Variants in XKR6 observed in about 807,000 individuals in gnomAD.
XKR6 encodes XK-related protein 6.
In XKR6, 22 loss-of-function variants were observed where a neutral mutation model predicts 56.7. The ratio of observed to expected loss-of-function variants is 0.39; its 90% CI spans 0.28 to 0.55. The LOEUF is 0.55. XKR6 is among the 20% of genes least tolerant of loss of function. The probability of loss-of-function intolerance (pLI) is 0.66; values close to 1 mark genes in which losing one functional copy is unlikely to be tolerated. For missense variants in XKR6, 852 were observed against 889.0 expected, an observed-to-expected ratio of 0.96 and a Z score of 0.53; for synonymous variants, 524 against 387.8, an observed-to-expected ratio of 1.35 and a Z score of -4.13.
chr8:10,962,473 C>T (rs1431086209), intron 1 of XKR6, among the ~76,000 whole-genome samples: 2 of 152,136 alleles, frequency 1.3e-5, no homozygotes, highest in African/African-American at 2.4e-5. Flanking sequence ...GGAGGATTTC[C>T]GCCAGAAGGC....
intron 1 of XKR6, among the ~76,000 whole-genome samples, chr8:10,932,573 C>A (rs1280741980): frequency 8.9e-6 from 1 of 111,878 alleles, no homozygotes; most frequent in African/African-American, 3.4e-5. Context: ...TATCCCTCCC[C>A]CCTCCCCCCA....
At chr8:11,116,478 C>G (rs1012513595) in intron 1 of XKR6, among the ~76,000 whole-genome samples, 13 of 152,168 alleles carry the variant, frequency 8.5e-5, no homozygotes, top group African/African-American at 3.1e-4. Flanking sequence ...TCAAGCGATT[C>G]TCCTGCCTTA....
chr8:11,162,284 C>G (rs533532622), intron 1 of XKR6, among the ~76,000 whole-genome samples: 2 of 152,252 alleles, frequency 1.3e-5, no homozygotes, highest in African/African-American at 4.8e-5. Context: ...ATCTGCTCAC[C>G]ACAGAGTAAA....
intron 1 of XKR6, among the ~76,000 whole-genome samples, chr8:11,174,265 T>G (rs1258009106): frequency 6.6e-6 from 1 of 152,184 alleles, no homozygotes; most frequent in Non-Finnish European, 1.5e-5. Context: ...TCTCAAGCAG[T>G]AAGTCACTCA....
At chr8:10,972,694 A>C (rs1802442865) in intron 1 of XKR6, among the ~76,000 whole-genome samples, 1 of 152,172 alleles carries the variant, frequency 6.6e-6, no homozygotes, top group African/African-American at 2.4e-5. Context: ...CAGGCTTGCC[A>C]GGGGCTGGGG....
intron 1 of XKR6, among the ~76,000 whole-genome samples, chr8:11,186,662 G>C (rs1803291674): frequency 6.6e-6 from 1 of 152,190 alleles, no homozygotes; most frequent in Admixed American, 6.5e-5. Flanking sequence ...TTACAGGCAT[G>C]AGACACCACG....
At chr8:10,969,085 G>A (rs576785520) in intron 1 of XKR6, among the ~76,000 whole-genome samples, 3 of 152,202 alleles carry the variant, frequency 2.0e-5, no homozygotes, top group African/African-American at 7.2e-5. Context: ...TCACAGTCTT[G>A]TGTGACAAAA....
At chr8:10,919,881 G>A (rs1057492931) in intron 2 of XKR6, among the ~76,000 whole-genome samples, 2 of 152,120 alleles carry the variant, frequency 1.3e-5, no homozygotes, top group African/African-American at 4.8e-5. Flanking sequence ...AAGACATCAG[G>A]CTTAAGGAAG....
chr8:11,180,697 G>A (rs1220388500), intron 1 of XKR6, among the ~76,000 whole-genome samples: 2 of 152,054 alleles, frequency 1.3e-5, no homozygotes, highest in African/African-American at 2.4e-5. Context: ...TTGGGCCCAG[G>A]AGTTCAAGCC....
intron 1 of XKR6, among the ~76,000 whole-genome samples, chr8:11,186,332 T>A (rs1157580653): frequency 1.3e-5 from 2 of 152,160 alleles, no homozygotes; most frequent in Non-Finnish European, 2.9e-5. Context: ...CACGGCTAGT[T>A]CTTCACAATG....
intron 1 of XKR6, among the ~76,000 whole-genome samples, chr8:10,986,776 T>C (rs1180378692): frequency 6.6e-6 from 1 of 152,062 alleles, no homozygotes; most frequent in African/African-American, 2.4e-5. Context: ...TAGGTTTTTA[T>C]TGTTGTTGTT....
chr8:11,097,633 C>T (rs897712226), intron 1 of XKR6, among the ~76,000 whole-genome samples: 2 of 151,714 alleles, frequency 1.3e-5, no homozygotes, highest in Non-Finnish European at 2.9e-5. Flanking sequence ...CATGGTGAAA[C>T]CCCATCTCTA....
At chr8:10,940,748 C>T (rs1472487639) in intron 1 of XKR6, among the ~76,000 whole-genome samples, 1 of 152,134 alleles carries the variant, frequency 6.6e-6, no homozygotes. Flanking sequence ...CTGTACGCGA[C>T]AACCAGCTGT....
rs1563189396 is a variant in XKR6 at position 11,167,889 on chromosome 8, T to TCA, written c.764+32686_764+32687insTG. Among the ~76,000 whole-genome samples, 10 of 91,154 alleles carry TCA rather than the reference T, an allele frequency of 1.1e-4. 1 individual carries two copies. Among genetic ancestry groups the TCA allele is most frequent in the African/African-American group, 7.1e-4 (10 of 14,004 alleles). The allele number at this position is 91,154 out of a possible 152,430, so 59.8% of individuals were successfully genotyped here. A position where few individuals can be genotyped will look rare whatever the true frequency, so the allele number is the denominator to read the frequency against. On this transcript the variant is annotated intron_variant, in intron 1 of 2. Coordinates refer to ENST00000416569, the MANE Select transcript of XKR6 (RefSeq NM_173683.4). ...GGGTGACAGAGTAAGACCCCATCTC[T>TCA]TAAAAAAAAAAAAAAAAAAAAAACC...
At chr8:11,058,524 CATGTCCTTTGCA>C (rs1479700054) in intron 1 of XKR6, among the ~76,000 whole-genome samples, 1 of 152,198 alleles carries the variant, frequency 6.6e-6, no homozygotes, top group Non-Finnish European at 1.5e-5. Context: ...AGGATGAATT[CATGTCCTTTGCA>C]GGAACATGAA....
chr8:11,184,279 T>G (rs572982838), intron 1 of XKR6, among the ~76,000 whole-genome samples: 1 of 152,210 alleles, frequency 6.6e-6, no homozygotes, highest in African/African-American at 2.4e-5. Context: ...AGAGCCCTCA[T>G]GCAGACCCCT....
In XKR6 at chr8:11,139,249, G is replaced by A. The variant is rs140550884; in HGVS notation, c.764+61327C>T. Among the ~76,000 whole-genome samples the A allele has an allele frequency of 4.6e-4, 70 of 152,262 alleles. No homozygotes were observed. The East Asian group carries it at 0.013, about 28-fold the overall frequency. On this transcript the variant is annotated intron_variant, in intron 1 of 2. Coordinates refer to ENST00000416569, the MANE Select transcript of XKR6 (RefSeq NM_173683.4). ...TACAAAACTATAATTTTCTCTAAAT[G>A]AAATATAAAAGCAGAATAAGTAGCA...
chr8:10,938,353 C>G (rs1477942297), intron 1 of XKR6, among the ~76,000 whole-genome samples: 1 of 152,296 alleles, frequency 6.6e-6, no homozygotes, highest in African/African-American at 2.4e-5. Context: ...GCAGAAATCC[C>G]CCGTCTTCTG....
intron 1 of XKR6, among the ~76,000 whole-genome samples, chr8:11,103,260 G>C (rs1029113454): frequency 2.0e-5 from 3 of 152,098 alleles, no homozygotes; most frequent in Admixed American, 6.5e-5. Flanking sequence ...AAAAGACACA[G>C]GAATTGCTTA....
Sources: gnomAD v4.1 joint callset for allele counts (sites outside exome capture counted in the v4.1 genomes callset) on GRCh38, gnomAD v4.1.1 for gene constraint, MANE v1.5 for transcripts, NCBI Gene and HGNC (gene_info 2026-07-23, HGNC 2026-07-21) for gene names.